PARD3B: variants seen among roughly 807,000 people sequenced by gnomAD.
PARD3B encodes partitioning defective 3 homolog B.
A neutral mutation model predicts 130.2 loss-of-function variants in PARD3B; 103 were observed. The observed-to-expected ratio is 0.79, with a 90% CI of 0.67 to 0.93. PARD3B has a LOEUF of 0.93. PARD3B is among the 40% of genes least tolerant of loss of function. PARD3B has a pLI of 0.00. For synonymous variants in PARD3B, 583 were observed against 553.2 expected, an observed-to-expected ratio of 1.05 and a Z score of -0.76; for missense variants, 1,609 against 1,499.2, an observed-to-expected ratio of 1.07 and a Z score of -1.21.
chr2:205,037,427 A>G (rs6721584), intron 3 of PARD3B, among the ~76,000 whole-genome samples: 34 of 147,306 alleles, frequency 2.3e-4, no homozygotes, highest in African/African-American at 6.6e-4. Flanking sequence ...AAATATATAT[A>G]GTGGACTATA....
chr2:205,029,180 A>G (rs757192501), intron 3 of PARD3B, among the ~76,000 whole-genome samples: 7 of 152,162 alleles, frequency 4.6e-5, no homozygotes, highest in Non-Finnish European at 1.5e-5. Context: ...TCACAAATAT[A>G]TATGCACTTG....
chr2:205,322,889 C>CT lies in PARD3B; in HGVS notation c.2630+21230dup, dbSNP rs71032461. 3.5e-4 allele frequency among the ~76,000 whole-genome samples: 18 copies of CT among 51,466 alleles called. 3 individuals are homozygous for CT. The highest frequency in any genetic ancestry group is 2.0e-3 in the East Asian group (3 of 1,474). 33.8% of individuals were successfully genotyped at this position (51,466 alleles called of 152,430 possible). On this transcript the variant is annotated intron_variant, in intron 18 of 22. Transcript: ENST00000406610. Reference sequence around the variant, plus strand: ...TGTTGTTATATCATTATTAACACCTCTTTTTTTTTTTTTTTTTTTTTTTTT... The same window carrying CT: ...TGTTGTTATATCATTATTAACACCTCTTTTTTTTTTTTTTTTTTTTTTTTTT...
intron 10 of PARD3B, among the ~76,000 whole-genome samples, chr2:205,147,605 G>T (rs982589846): frequency 6.6e-6 from 1 of 151,792 alleles, no homozygotes; most frequent in Non-Finnish European, 1.5e-5. Flanking sequence ...CATGGGGATG[G>T]GTTTTTAAAA....
Position 205,176,642 on chromosome 2 carries a change from T to TAAA in PARD3B, c.1924+78_1924+80dup. 6.0e-6 allele frequency: 7 copies of TAAA among 1,169,382 alleles called. No individual in the cohort carries two copies. Among genetic ancestry groups the TAAA allele is most frequent in the South Asian group, 2.0e-5 (1 of 49,086 alleles). The allele number at this position is 1,169,382 out of a possible 1,614,324, so 72.4% of individuals were successfully genotyped here. A position where few individuals can be genotyped will look rare whatever the true frequency, so the allele number is the denominator to read the frequency against. ...GAAAACACAAAAGTGTCTTTTTATC[T>TAAA]AAAAAAAAAAAAAAAGAGTAAAGGG... is the stretch of plus-strand genomic sequence containing the variant. On this transcript the variant is annotated intron_variant, in intron 13 of 22. Coordinates refer to ENST00000406610, the MANE Select transcript of PARD3B (RefSeq NM_001302769.2). This position sits in a 1 kb window ranked among gnomAD's most constrained non-coding sequence, Gnocchi z 5.3.
At chr2:205,130,077 A>C (rs943161969) in intron 10 of PARD3B, among the ~76,000 whole-genome samples, 1 of 152,206 alleles carries the variant, frequency 6.6e-6, no homozygotes, top group Admixed American at 6.5e-5. Flanking sequence ...TGTTTCTAGT[A>C]TCTTTACCAA....
At chr2:204,587,820 C>T (rs73057288) in intron 1 of PARD3B, among the ~76,000 whole-genome samples, 6 of 152,130 alleles carry the variant, frequency 3.9e-5, no homozygotes, top group South Asian at 2.1e-4. Context: ...TGAATCATGG[C>T]GGTAGTTACC....
In PARD3B at chr2:204,677,874, C is replaced by G. The variant is rs993874561; in HGVS notation, c.121-8307C>G. 6.6e-6 allele frequency among the ~76,000 whole-genome samples: 1 copy of G among 152,076 alleles called. No homozygotes were observed. The highest frequency in any genetic ancestry group is 2.4e-5 in the African/African-American group (1 of 41,400). ...ACACTCCTTTTGTTTTAGGATTTGT[C>G]CTTATTCTTCTGAGGAAACTAGACT... On this transcript the variant is annotated intron_variant, in intron 1 of 22. Transcript: ENST00000406610. This position sits in a 1 kb window ranked among gnomAD's most constrained non-coding sequence, Gnocchi z 4.1.
At chr2:205,371,686 T>G (rs1249186826) in intron 18 of PARD3B, among the ~76,000 whole-genome samples, 1 of 152,142 alleles carries the variant, frequency 6.6e-6, no homozygotes, top group East Asian at 1.9e-4. Flanking sequence ...AACCCAGTCA[T>G]TTGATTTGGG....
intron 3 of PARD3B, among the ~76,000 whole-genome samples, chr2:204,970,314 A>G (rs1043307145): frequency 2.0e-5 from 3 of 152,228 alleles, no homozygotes; most frequent in African/African-American, 7.2e-5. Flanking sequence ...AGGATAAGTC[A>G]TTTAACCTAT....
chr2:205,166,054 A>G (rs1392444781), intron 11 of PARD3B, among the ~76,000 whole-genome samples: 3 of 152,144 alleles, frequency 2.0e-5, no homozygotes, highest in African/African-American at 7.2e-5. Context: ...ACCAGGACCA[A>G]AACACCTGAC....
At position 205,300,097 on chromosome 2, in the gene PARD3B, T is replaced by G. The variant is rs1224722976; in HGVS notation, c.2186-433T>G. Reference sequence around the variant, plus strand: ...TAGGACGATACTGGAAGAGAAGCTCTCGTCATGTTAGGTGCTTGGTATGTT... The same window carrying G: ...TAGGACGATACTGGAAGAGAAGCTCGCGTCATGTTAGGTGCTTGGTATGTT... On this transcript the variant is annotated intron_variant, in intron 16 of 22. Coordinates refer to ENST00000406610, the MANE Select transcript of PARD3B (RefSeq NM_001302769.2). This position sits in a 1 kb window ranked among gnomAD's most constrained non-coding sequence, Gnocchi z 4.1. Among the ~76,000 whole-genome samples the G allele has an allele frequency of 1.3e-5, 2 of 152,194 alleles. No individual in the cohort carries two copies. Among genetic ancestry groups the G allele is most frequent in the Non-Finnish European group, 2.9e-5 (2 of 68,042 alleles).
rs544735042 is a variant in PARD3B at position 204,967,269 on chromosome 2, G to A, written c.394+1946G>A. On this transcript the variant is annotated intron_variant, in intron 3 of 22. Transcript: ENST00000406610. The surrounding 1 kb of genome is among the most constrained non-coding windows in gnomAD (Gnocchi z 4.4). ...CCTTGGCATCACCTCCAGTTCCACC[G>A]TTTCCTTCTACCTCCCCCACTCTGT... Among the ~76,000 whole-genome samples the A allele has an allele frequency of 3.3e-5, 5 of 152,192 alleles. No individual in the cohort carries two copies. Among genetic ancestry groups the A allele is most frequent in the South Asian group, 2.1e-4 (1 of 4,820 alleles).
At chr2:205,472,940 G>A (rs2048889271) in intron 20 of PARD3B, among the ~76,000 whole-genome samples, 1 of 152,078 alleles carries the variant, frequency 6.6e-6, no homozygotes, top group South Asian at 2.1e-4. Flanking sequence ...GGCAATGGAG[G>A]ACCAATAAAT....
intron 11 of PARD3B, among the ~76,000 whole-genome samples, chr2:205,168,121 T>C (rs2034920599): frequency 6.6e-6 from 1 of 152,226 alleles, no homozygotes; most frequent in Non-Finnish European, 1.5e-5. Flanking sequence ...TCTGTCCTCC[T>C]GATTCTTTTT....
chr2:204,714,091 T>TAG (rs2038604221), intron 2 of PARD3B, among the ~76,000 whole-genome samples: 1 of 152,208 alleles, frequency 6.6e-6, no homozygotes. Context: ...CATACCTGTA[T>TAG]CTGTGATTCT....
rs1376964185 is a variant in PARD3B at position 204,678,132 on chromosome 2, G to C, written c.121-8049G>C. On this transcript the variant is annotated intron_variant, in intron 1 of 22. Coordinates refer to ENST00000406610, the MANE Select transcript of PARD3B (RefSeq NM_001302769.2). This position sits in a 1 kb window ranked among gnomAD's most constrained non-coding sequence, Gnocchi z 4.2. Reference sequence around the variant, plus strand: ...GACTCCCTCGCAGGACTTGCGATGAGGGGTGGCTCCTTTGCAGCCGAGCTC... The same window carrying C: ...GACTCCCTCGCAGGACTTGCGATGACGGGTGGCTCCTTTGCAGCCGAGCTC... Among the ~76,000 whole-genome samples the C allele has an allele frequency of 6.6e-6, 1 of 152,184 alleles. No individual in the cohort carries two copies. Among genetic ancestry groups the C allele is most frequent in the African/African-American group, 2.4e-5 (1 of 41,436 alleles).
chr2:204,549,193 A>T (rs2030248185), intron 1 of PARD3B, among the ~76,000 whole-genome samples: 1 of 152,160 alleles, frequency 6.6e-6, no homozygotes, highest in Non-Finnish European at 1.5e-5. Context: ...TATGCTCTGA[A>T]GTCTGGGCCT....
chr2:205,068,871 T>A (rs1700551091), intron 4 of PARD3B, among the ~76,000 whole-genome samples: 1 of 152,136 alleles, frequency 6.6e-6, no homozygotes, highest in Non-Finnish European at 1.5e-5. Flanking sequence ...TGTATACAGA[T>A]CAAGAGATTC....
intron 5 of PARD3B, among the ~76,000 whole-genome samples, chr2:205,106,585 G>A (rs1410665088): frequency 6.6e-6 from 1 of 150,600 alleles, no homozygotes; most frequent in East Asian, 2.0e-4. Flanking sequence ...ACCTTTAATA[G>A]GTTAAGGAAC....
Sources: allele counts gnomAD v4.1 joint callset (sites outside exome capture counted in the v4.1 genomes callset), GRCh38; gene constraint gnomAD v4.1.1; non-coding constraint Gnocchi (gnomAD v3.1); transcripts MANE v1.5; gene names NCBI Gene and HGNC (gene_info 2026-07-23, HGNC 2026-07-21).